Variants in ANO9 observed in about 807,000 individuals in gnomAD.
ANO9 encodes anoctamin 9, also known as anoctamin-9.
A neutral mutation model predicts 100.5 loss-of-function variants in ANO9; 80 were observed. The ratio of observed to expected loss-of-function variants is 0.80; its 90% CI spans 0.66 to 0.96. The LOEUF is 0.96. Among genes scored for constraint, ANO9 ranks in the 40% least tolerant of loss-of-function variants. The pLI, the probability that ANO9 is intolerant of heterozygous loss-of-function variation, is 0.00. For missense variants in ANO9, 1,064 were observed against 1,072.7 expected (o/e 0.99, Z 0.11); for synonymous variants, 473 against 435.6 (o/e 1.09, Z -1.07).
In ANO9 at chr11:434,199, T is replaced by C; in HGVS notation, c.7-101A>G. 4 of 1,339,784 alleles carry C rather than the reference T, an allele frequency of 3.0e-6. No homozygotes were observed. In the South Asian group the frequency reaches 5.5e-5, roughly 18 times the overall value. 83.0% of individuals were successfully genotyped at this position (1,339,784 alleles called of 1,614,324 possible). On this transcript the variant is annotated intron_variant, in intron 1 of 22. Transcript: ENST00000332826. ...CAGCGGACCACATGGTCACACACCG[T>C]CCCTCCCCACAAGGAGAACAGCAAA...
Position 433,927 on chromosome 11 carries a change from G to T in ANO9, c.92C>A (p.Ser31Tyr), listed in dbSNP as rs1342093928. The T allele has an allele frequency of 6.4e-7, 1 of 1,562,262 alleles. No homozygotes were observed. Among genetic ancestry groups the T allele is most frequent in the South Asian group, 1.2e-5 (1 of 84,936 alleles). The change falls in exon 3 of 23, where the codon TCC becomes TAC. Residue 31 changes from serine to tyrosine, a missense_variant. Transcript: ENST00000332826. ...MEISTCETEA[S>Y]EQWDYVLVAQ... Reference sequence around the variant, plus strand: ...CACGAGGACATAGTCCCACTGCTCGGAGGCCTCGGTCTGCAGGGAGGAGGC... The same window carrying T: ...CACGAGGACATAGTCCCACTGCTCGTAGGCCTCGGTCTGCAGGGAGGAGGC...
chr11:438,739 G>A (rs534095055), intron 1 of ANO9, among the ~76,000 whole-genome samples: 8 of 152,138 alleles, frequency 5.3e-5, no homozygotes, highest in African/African-American at 1.7e-4. Flanking sequence ...CACCACCCTC[G>A]GGGTCTTCAC....
rs761142709 is a variant in ANO9, at chr11:430,413, G to A, written c.540-10C>T. 23 of 1,584,502 alleles carry A rather than the reference G, an allele frequency of 1.5e-5. No individual in the cohort carries two copies. Among genetic ancestry groups the A allele is most frequent in the African/African-American group, 4.5e-5 (3 of 66,510 alleles). ...TTCCCCAAAGTAGTTCCTGCAGGCA[G>A]CAGGGGTCAAGGCCAGCTGTCAGGG... On this transcript the variant is annotated splice_polypyrimidine_tract_variant and intron_variant, in intron 7 of 22. Coordinates refer to ENST00000332826, the MANE Select transcript of ANO9 (RefSeq NM_001012302.3).
Position 418,255 on chromosome 11 carries a change from C to T in ANO9, c.*116G>A. ...TGAACATACAGGGGATTCCTGCGGC[C>T]CCACATGGGCACAGCCTTCTCACAG... On this transcript the variant is annotated 3_prime_UTR_variant, in exon 23 of 23. Transcript: ENST00000332826. 2 of 1,067,620 alleles carry T rather than the reference C, an allele frequency of 1.9e-6. No homozygotes were observed. The highest frequency in any genetic ancestry group is 1.7e-5 in the South Asian group (1 of 60,102). The allele number at this position is 1,067,620 out of a possible 1,614,324, so 66.1% of individuals were successfully genotyped here.
chr11:429,729 C>CCCCGCAGAGGCGT, intron 10 of ANO9, 29 bp downstream of exon 10: 1 of 1,611,862 alleles, frequency 6.2e-7, no homozygotes, highest in Non-Finnish European at 8.5e-7. Context: ...CTTCCCCTGG[C>CCCCGCAGAGGCGT]CCCGCAGAGG....
intron 1 of ANO9, among the ~76,000 whole-genome samples, chr11:435,638 AGTCTAGTCTAGTCTAGTATG>A (rs1849447389): frequency 6.7e-6 from 1 of 148,944 alleles, no homozygotes; most frequent in Non-Finnish European, 1.5e-5. Flanking sequence ...AGTATGGTCT[AGTCTAGTCTAGTCTAGTATG>A]GTCTAGTCTA....
chr11:420,881 C>T, intron 17 of ANO9, 21 bp from the exon 18 acceptor site: 2 of 1,588,216 alleles, frequency 1.3e-6, no homozygotes, highest in Non-Finnish European at 8.6e-7. Context: ...AGCTGCGTGG[C>T]AGGGAGGGCG....
At chr11:424,913 T>A (rs1002410295) in intron 15 of ANO9, among the ~76,000 whole-genome samples, 1 of 151,378 alleles carries the variant, frequency 6.6e-6, no homozygotes, top group Non-Finnish European at 1.5e-5. Flanking sequence ...CTCCAGATGT[T>A]ACAAGGAGGA....
chr11:434,283 C>T (rs1045180530), intron 1 of ANO9, among the ~76,000 whole-genome samples, 185 bp from the exon 2 acceptor site: 4 of 152,188 alleles, frequency 2.6e-5, no homozygotes, highest in Non-Finnish European at 5.9e-5. Context: ...TACAAACAAC[C>T]GACGAAGGAC....
rs533854526 is a variant in ANO9 at position 417,963 on chromosome 11, C to G, written c.*408G>C. On this transcript the variant is annotated 3_prime_UTR_variant, in exon 23 of 23. Transcript: ENST00000332826. This position sits in a 1 kb window ranked among gnomAD's most constrained non-coding sequence, Gnocchi z 4.2. ...GACAGGCTTAATTTTACTGCAGAAA[C>G]GGGTTGGCTGAAGGGAACAGGCCAG... 5.3e-6 allele frequency: 1 copy of G among 189,854 alleles called. No homozygotes were observed. The highest frequency in any genetic ancestry group is 2.3e-5 in the African/African-American group (1 of 42,626). The allele number at this position is 189,854 out of a possible 1,614,324, so 11.8% of individuals were successfully genotyped here.
intron 15 of ANO9, among the ~76,000 whole-genome samples, chr11:423,600 C>T (rs1276655873): frequency 1.3e-5 from 2 of 151,976 alleles, no homozygotes; most frequent in Admixed American, 1.3e-4. Flanking sequence ...CTCCACCTCC[C>T]AGGCTCCAGC....
Position 437,089 on chromosome 11 carries a change from G to A in ANO9, c.7-2991C>T, listed in dbSNP as rs906459679. Among the ~76,000 whole-genome samples the A allele has an allele frequency of 3.2e-4, 41 of 129,890 alleles. 3 individuals carry two copies. The highest frequency in any genetic ancestry group is 7.8e-4 in the Admixed American group (10 of 12,774). 85.2% of individuals were successfully genotyped at this position (129,890 alleles called of 152,430 possible). On this transcript the variant is annotated intron_variant, in intron 1 of 22. Transcript: ENST00000332826. Reference sequence around the variant, plus strand: ...GTGAATGTTCCCACCTGGGCTCCATGTCCCATCAGATCAGCGGCGGCATTA... The same window carrying A: ...GTGAATGTTCCCACCTGGGCTCCATATCCCATCAGATCAGCGGCGGCATTA...
In ANO9 at chr11:419,760, C is replaced by T. The variant is rs528198865; in HGVS notation, c.1787-31G>A. The stretch of plus-strand genomic sequence containing the variant: ...CCAGAGCAGTGGGCAAGCGGTCTGA[C>T]TCAGCGTCCCTCGGCTGGTTCTGCC... On this transcript the variant is annotated intron_variant, in intron 19 of 22. Coordinates refer to ENST00000332826, the MANE Select transcript of ANO9 (RefSeq NM_001012302.3). 3.7e-6 allele frequency: 6 copies of T among 1,606,548 alleles called. No individual in the cohort carries two copies. In the East Asian group the frequency reaches 1.3e-4, roughly 36 times the overall value.
At chr11:435,836 A>ATAGTC (rs111894897) in intron 1 of ANO9, among the ~76,000 whole-genome samples, 319 of 144,426 alleles carry the variant, frequency 2.2e-3, no homozygotes, top group African/African-American at 7.8e-3. Context: ...ATAATACGGT[A>ATAGTC]TAGTCTAGTC....
At chr11:435,719 G>T (rs528912456) in intron 1 of ANO9, among the ~76,000 whole-genome samples, 2 of 151,614 alleles carry the variant, frequency 1.3e-5, no homozygotes, top group Admixed American at 6.6e-5. Context: ...GCATAGGATA[G>T]CATAGCATAG....
At position 420,774 on chromosome 11, in the gene ANO9, T is replaced by C. The variant is rs368106583; in HGVS notation, c.1577A>G (p.Asn526Ser). The change falls in exon 18 of 23, where the codon AAC (asparagine) becomes AGC (serine). Residue 526 changes from asparagine to serine, a missense_variant. Asn to Ser is a conservative substitution (Grantham distance 46). Coordinates refer to ENST00000332826, the MANE Select transcript of ANO9 (RefSeq NM_001012302.3). ...GGTGTTGACCGGGTTCAGAAGGTAGTTGCGCCGCCAGTCCCTGAGCTCGGG... is the reference window on the plus strand; with the variant it reads ...GGTGTTGACCGGGTTCAGAAGGTAGCTGCGCCGCCAGTCCCTGAGCTCGGG... ...RDPELRDWRR[N>S]YLLNPVNTFS... The C allele has an allele frequency of 6.2e-7, 1 of 1,602,882 alleles. No individual in the cohort carries two copies. Among genetic ancestry groups the C allele is most frequent in the African/African-American group, 1.3e-5 (1 of 74,934 alleles).
At chr11:427,362 A>G (rs1045902467) in intron 15 of ANO9, among the ~76,000 whole-genome samples, 2 of 151,992 alleles carry the variant, frequency 1.3e-5, no homozygotes, top group East Asian at 3.9e-4. Context: ...AAAAAAAGTA[A>G]AGCTGCAGCC....
chr11:439,561 A>G (rs1478746248), intron 1 of ANO9, among the ~76,000 whole-genome samples: 1 of 152,088 alleles, frequency 6.6e-6, no homozygotes, highest in Non-Finnish European at 1.5e-5. Context: ...ACATCCCCCC[A>G]GCTGTGCATG....
At position 418,598 on chromosome 11, in the gene ANO9, A is replaced by C. The variant is rs774456229; in HGVS notation, c.2131-9T>G. On this transcript the variant is annotated splice_polypyrimidine_tract_variant and intron_variant, in intron 22 of 22. Coordinates refer to ENST00000332826, the MANE Select transcript of ANO9 (RefSeq NM_001012302.3). Reference sequence around the variant, plus strand: ...ATGCACAAGGCCACGTGCTAGCGGCAGCACAGGAGAGGCCCAGCACGGTCA... The same window carrying C: ...ATGCACAAGGCCACGTGCTAGCGGCCGCACAGGAGAGGCCCAGCACGGTCA... The C allele has an allele frequency of 7.4e-6, 12 of 1,612,780 alleles. No individual in the cohort carries two copies. The South Asian group carries it at 1.3e-4, about 18-fold the overall frequency.
Sources: allele counts gnomAD v4.1 joint callset (sites outside exome capture counted in the v4.1 genomes callset), GRCh38; gene constraint gnomAD v4.1.1; non-coding constraint Gnocchi (gnomAD v3.1); transcripts MANE v1.5; gene names NCBI Gene and HGNC (gene_info 2026-07-23, HGNC 2026-07-21).